The following PTPN1 variants were observed in gnomAD, a reference collection of about 807,000 sequenced individuals.
The protein encoded by PTPN1 is tyrosine-protein phosphatase non-receptor type 1.
In PTPN1, 12 loss-of-function variants were observed where a neutral mutation model predicts 59.9. The observed-to-expected ratio is 0.20, with a 90% CI of 0.13 to 0.32. The LOEUF is 0.32. Among genes scored for constraint, PTPN1 ranks in the 10% least tolerant of loss-of-function variants. PTPN1 has a pLI of 1.00. For missense variants in PTPN1, 356 were observed against 549.2 expected (o/e 0.65, Z 3.52); for synonymous variants, 178 against 203.6 (o/e 0.87, Z 1.07).
At chr20:50,554,977 G>A (rs2082720013) in intron 1 of PTPN1, among the ~76,000 whole-genome samples, 1 of 152,182 alleles carries the variant, frequency 6.6e-6, no homozygotes, top group Non-Finnish European at 1.5e-5. Flanking sequence ...TATATTAAAT[G>A]TAAATGTTCT....
intron 1 of PTPN1, among the ~76,000 whole-genome samples, chr20:50,544,264 C>T (rs1255133642): frequency 6.6e-6 from 1 of 152,170 alleles, no homozygotes; most frequent in Non-Finnish European, 1.5e-5. Flanking sequence ...GATCCTCCCA[C>T]CTCAGCGTCC....
At chr20:50,513,878 A>T (rs1308624290) in intron 1 of PTPN1, among the ~76,000 whole-genome samples, 3 of 152,058 alleles carry the variant, frequency 2.0e-5, no homozygotes, top group African/African-American at 7.3e-5. Flanking sequence ...TCTATACACT[A>T]TGACTCACTT....
intron 1 of PTPN1, among the ~76,000 whole-genome samples, chr20:50,555,181 A>C (rs2082720766): frequency 6.6e-6 from 1 of 152,260 alleles, no homozygotes; most frequent in South Asian, 2.1e-4. Flanking sequence ...GTTCTTTGTA[A>C]AGATCAGTAA....
intron 1 of PTPN1, among the ~76,000 whole-genome samples, chr20:50,555,313 A>G (rs1025995850): frequency 1.3e-5 from 2 of 152,234 alleles, no homozygotes; most frequent in Non-Finnish European, 1.5e-5. Context: ...AGTAAATGCA[A>G]TAAGTTAGAT....
chr20:50,564,714 A>T (rs1342699504), intron 2 of PTPN1, among the ~76,000 whole-genome samples: 1 of 152,220 alleles, frequency 6.6e-6, no homozygotes, highest in East Asian at 1.9e-4. Flanking sequence ...GATTTCCCAG[A>T]TAGGACATGA....
intron 1 of PTPN1, among the ~76,000 whole-genome samples, chr20:50,540,635 A>T (rs945329359): frequency 6.6e-6 from 1 of 152,182 alleles, no homozygotes; most frequent in Admixed American, 6.5e-5. Context: ...AGGAGCAAGT[A>T]CCACCTATAC....
Position 50,510,408 on chromosome 20 carries a change from G to A in PTPN1, c.-120G>A. The A allele has an allele frequency of 9.4e-7, 1 of 1,066,018 alleles. No homozygotes were observed. The highest frequency in any genetic ancestry group is 1.3e-6 in the Non-Finnish European group (1 of 744,568). 66.0% of individuals were successfully genotyped at this position (1,066,018 alleles called of 1,614,324 possible). A position where few individuals can be genotyped will look rare whatever the true frequency, so the allele number is the denominator to read the frequency against. On this transcript the variant is annotated 5_prime_UTR_variant, in exon 1 of 10. Transcript: ENST00000371621. ...ATGAAGAAGCAGCAGCGGCTAGGGCGGCGGTAGCTGCAGGGGTCGGGGATT... is the reference window on the plus strand; with the variant it reads ...ATGAAGAAGCAGCAGCGGCTAGGGCAGCGGTAGCTGCAGGGGTCGGGGATT...
At chr20:50,532,102 G>A (rs559605841) in intron 1 of PTPN1, among the ~76,000 whole-genome samples, 1 of 152,326 alleles carries the variant, frequency 6.6e-6, no homozygotes, top group African/African-American at 2.4e-5. Context: ...ACCTACCAAT[G>A]CCAGTTGAAG....
chr20:50,576,642 G>T (rs1321571071), intron 5 of PTPN1, among the ~76,000 whole-genome samples: 1 of 151,966 alleles, frequency 6.6e-6, no homozygotes, highest in East Asian at 1.9e-4. Flanking sequence ...GCTGAGGTGG[G>T]TGGTTCACGA....
At chr20:50,543,023 C>T (rs1184428023) in intron 1 of PTPN1, among the ~76,000 whole-genome samples, 3 of 152,122 alleles carry the variant, frequency 2.0e-5, no homozygotes, top group African/African-American at 7.2e-5. Context: ...CTGAACATGG[C>T]TTCTTAATTA....
In PTPN1 at chr20:50,582,725, C is replaced by A; in HGVS notation, c.*10C>A. On this transcript the variant is annotated 3_prime_UTR_variant, in exon 10 of 10. Coordinates refer to ENST00000371621, the MANE Select transcript of PTPN1 (RefSeq NM_002827.4). This position sits in a 1 kb window ranked among gnomAD's most constrained non-coding sequence, Gnocchi z 4.2. ...CAACAGCAACACATAGCCTGACCCTCCTCCACTCCACCTCCACCCACTGTC... is the reference window on the plus strand; with the variant it reads ...CAACAGCAACACATAGCCTGACCCTACTCCACTCCACCTCCACCCACTGTC... The A allele has an allele frequency of 6.2e-7, 1 of 1,613,774 alleles. No individual in the cohort carries two copies. The highest frequency in any genetic ancestry group is 8.5e-7 in the Non-Finnish European group (1 of 1,179,918).
rs1384241848 is a variant in PTPN1 at position 50,568,169 on chromosome 20, C to G, written c.256-211C>G. ...GTTGGCCCAGCCCTGAACTGAGATGCGGAAATCGCCTTTCGCTGCCTGGTA... is the reference window on the plus strand; with the variant it reads ...GTTGGCCCAGCCCTGAACTGAGATGGGGAAATCGCCTTTCGCTGCCTGGTA... On this transcript the variant is annotated intron_variant, in intron 3 of 9. Transcript: ENST00000371621. This position sits in a 1 kb window ranked among gnomAD's most constrained non-coding sequence, Gnocchi z 5.6. Among the ~76,000 whole-genome samples the G allele has an allele frequency of 6.6e-6, 1 of 152,178 alleles. No individual in the cohort carries two copies. Among genetic ancestry groups the G allele is most frequent in the African/African-American group, 2.4e-5 (1 of 41,444 alleles).
intron 4 of PTPN1, among the ~76,000 whole-genome samples, chr20:50,569,601 A>C (rs1473946513): frequency 1.3e-5 from 2 of 150,498 alleles, no homozygotes; most frequent in Admixed American, 6.6e-5. Context: ...GTCCATGTAA[A>C]CTGTCCTGTG....
intron 5 of PTPN1, chr20:50,577,458 C>T (rs2122800933): frequency 6.6e-6 from 1 of 152,402 alleles, no homozygotes; most frequent in East Asian, 1.9e-4. Context: ...GAGACTTTCA[C>T]TTCCAGAGCC....
intron 1 of PTPN1, among the ~76,000 whole-genome samples, chr20:50,543,545 A>G (rs1305200964): frequency 2.6e-5 from 4 of 152,212 alleles, no homozygotes; most frequent in Non-Finnish European, 5.9e-5. Context: ...AGGAGGATGC[A>G]GCCTTTCGAG....
rs1415199849 is a variant in PTPN1 at position 50,581,364 on chromosome 20, G to A, written c.1188G>A (p.Glu396=). The A allele has an allele frequency of 6.2e-7, 1 of 1,614,166 alleles. No individual in the cohort carries two copies. The highest frequency in any genetic ancestry group is 1.1e-5 in the South Asian group (1 of 91,080). Residue 396 remains glutamate, a synonymous_variant, in exon 9 of 10, where the codon GAG becomes GAA. Coordinates refer to ENST00000371621, the MANE Select transcript of PTPN1 (RefSeq NM_002827.4). The part of the protein sequence containing the change: ...SPAKGEPSLP[E]KDEDHALSYW... ...CCAAAGGGGAGCCGTCACTGCCCGAGAAGGACGAGGACCATGCACTGAGTT... is the reference window on the plus strand; with the variant it reads ...CCAAAGGGGAGCCGTCACTGCCCGAAAAGGACGAGGACCATGCACTGAGTT...
chr20:50,558,386 T>C (rs2122773224), intron 1 of PTPN1, among the ~76,000 whole-genome samples: 1 of 152,368 alleles, frequency 6.6e-6, no homozygotes, highest in Non-Finnish European at 1.5e-5. Context: ...CAATAAATGG[T>C]CAATATTTAA....
chr20:50,512,526 C>T (rs1444305863), intron 1 of PTPN1, among the ~76,000 whole-genome samples: 2 of 152,176 alleles, frequency 1.3e-5, no homozygotes, highest in African/African-American at 4.8e-5. Flanking sequence ...AGTTTTTCTG[C>T]CACAATTAAA....
In PTPN1 at chr20:50,581,282, A is replaced by C. The variant is rs2082866895; in HGVS notation, c.1106A>C (p.Glu369Ala). 1 of 1,610,620 alleles carries C rather than the reference A, an allele frequency of 6.2e-7. No homozygotes were observed. Among genetic ancestry groups the C allele is most frequent in the Admixed American group, 1.7e-5 (1 of 59,856 alleles). Residue 369 changes from glutamate to alanine, a missense_variant, in exon 9 of 10, where the codon GAA (glutamate) becomes GCA (alanine). Physicochemically the swap from Glu to Ala is moderately radical, Grantham distance 107. Transcript: ENST00000371621. ...YGIESMSQDT[E>A]VRSRVVGGSL... ...TTCCTCAGCATGAGTCAAGACACTG[A>C]AGTTAGAAGTCGGGTCGTGGGGGGA...
Sources: allele counts gnomAD v4.1 joint callset (sites outside exome capture counted in the v4.1 genomes callset), GRCh38; gene constraint gnomAD v4.1.1; non-coding constraint Gnocchi (gnomAD v3.1); transcripts MANE v1.5; gene names NCBI Gene and HGNC (gene_info 2026-07-23, HGNC 2026-07-21).